ARMC2: variants seen among roughly 807,000 people sequenced by gnomAD.
The protein encoded by ARMC2 is armadillo repeat containing 2.
ARMC2 carries 67 observed loss-of-function variants against 90.3 expected under a neutral mutation model. The ratio of observed to expected loss-of-function variants is 0.74; its 90% CI spans 0.61 to 0.91. The LOEUF is 0.91. ARMC2 is among the 40% of genes least tolerant of loss of function. The probability of loss-of-function intolerance (pLI) is 0.00; values close to 1 mark genes in which losing one functional copy is unlikely to be tolerated. For synonymous variants in ARMC2, 393 were observed against 393.0 expected (o/e 1.00, Z 0.00); for missense variants, 920 against 1,030.9 (o/e 0.89, Z 1.47).
chr6:108,990,728 A>G, the ARMC2 span: 1 of 1,614,106 alleles, frequency 6.2e-7, no homozygotes, highest in Non-Finnish European at 8.5e-7. Flanking sequence ...TTGCCATTGT[A>G]TTATAAGTAA....
chr6:108,987,427 T>C, the ARMC2 span: 2 of 583,030 alleles, frequency 3.4e-6, no homozygotes, highest in Non-Finnish European at 6.1e-6. Flanking sequence ...AAAGGAATCA[T>C]GGCACAATGG....
intron 3 of ARMC2, among the ~76,000 whole-genome samples, chr6:108,867,422 A>G (rs2128427163): frequency 6.6e-6 from 1 of 152,248 alleles, no homozygotes; most frequent in Non-Finnish European, 1.5e-5. Flanking sequence ...TTAAGAAAAG[A>G]TGGGGGAAAA....
chr6:108,998,765 A>G, the ARMC2 span: 3,488 of 863,534 alleles, frequency 4.0e-3, 34 homozygotes, highest in African/African-American at 0.036. Context: ...CCTTAGGGGG[A>G]AAAAAAAAAA....
chr6:109,000,661 G>A, the ARMC2 span: 1 of 1,588,372 alleles, frequency 6.3e-7, no homozygotes, highest in East Asian at 2.3e-5. Flanking sequence ...GAGCACTGAT[G>A]TCTTGCCGCA....
chr6:109,016,445 T>G, the ARMC2 span, among the ~76,000 whole-genome samples: 1 of 152,216 alleles, frequency 6.6e-6, no homozygotes, highest in Non-Finnish European at 1.5e-5. Context: ...ACCTTCTTTT[T>G]CTGCCTTCTT....
the ARMC2 span, among the ~76,000 whole-genome samples, chr6:109,018,527 C>T: frequency 3.3e-5 from 5 of 152,112 alleles, no homozygotes; most frequent in African/African-American, 1.2e-4. Flanking sequence ...TTGCTTGGTA[C>T]GTGCTCCTGA....
intron 17 of ARMC2, among the ~76,000 whole-genome samples, chr6:108,971,210 C>T (rs1358631122): frequency 6.6e-6 from 1 of 152,056 alleles, no homozygotes; most frequent in African/African-American, 2.4e-5. Context: ...GACTCTGTCT[C>T]GAAAAAACGG....
At chr6:109,020,462 G>A in the ARMC2 span, among the ~76,000 whole-genome samples, 1 of 152,142 alleles carries the variant, frequency 6.6e-6, no homozygotes, top group Non-Finnish European at 1.5e-5. Context: ...GAAATATCCA[G>A]TGAAATGCTA....
chr6:108,859,962 C>T (rs566340806), intron 3 of ARMC2, among the ~76,000 whole-genome samples: 7 of 150,306 alleles, frequency 4.7e-5, no homozygotes, highest in African/African-American at 1.7e-4. Flanking sequence ...TGAGATTGCA[C>T]CATTGCACTC....
the ARMC2 span, among the ~76,000 whole-genome samples, chr6:108,985,077 T>C: frequency 6.6e-6 from 1 of 152,196 alleles, no homozygotes; most frequent in African/African-American, 2.4e-5. Context: ...TATTCACATA[T>C]ACAAATATGC....
chr6:109,009,141 A>T, the ARMC2 span, among the ~76,000 whole-genome samples: 4 of 152,138 alleles, frequency 2.6e-5, no homozygotes, highest in Admixed American at 6.5e-5. Context: ...CACGGTGCGC[A>T]GGTCTCCCAC....
At chr6:108,979,892 A>G in the ARMC2 span, among the ~76,000 whole-genome samples, 1 of 152,050 alleles carries the variant, frequency 6.6e-6, no homozygotes, top group African/African-American at 2.4e-5. Context: ...CAATTCATCT[A>G]ACCTTTTTTC....
Position 108,895,482 on chromosome 6 carries a change from C to CAAA in ARMC2, c.748+956_748+958dup, listed in dbSNP as rs58785510. 3.0e-3 allele frequency among the ~76,000 whole-genome samples: 299 copies of CAAA among 100,132 alleles called. 2 individuals carry two copies. The highest frequency in any genetic ancestry group is 0.012 in the African/African-American group (273 of 22,514). The allele number at this position is 100,132 out of a possible 152,430, so 65.7% of individuals were successfully genotyped here. ...CTGGGCGACAGAGCGAGACTCATCT[C>CAAA]AAAAAAAAAAAAAAAAAAAGATAAT... On this transcript the variant is annotated intron_variant, in intron 6 of 17. Transcript: ENST00000392644.
At chr6:108,992,452 G>A in the ARMC2 span, among the ~76,000 whole-genome samples, 3 of 151,870 alleles carry the variant, frequency 2.0e-5, no homozygotes, top group Non-Finnish European at 4.4e-5. Flanking sequence ...AAATCTTATG[G>A]TTCTCAAATA....
intron 12 of ARMC2, among the ~76,000 whole-genome samples, chr6:108,947,441 T>C (rs555144881): frequency 2.6e-5 from 4 of 152,316 alleles, no homozygotes; most frequent in South Asian, 4.1e-4. Context: ...AAAAATGTCT[T>C]TCATTGGCTT....
intron 3 of ARMC2, among the ~76,000 whole-genome samples, chr6:108,861,094 A>G (rs898883405): frequency 1.3e-5 from 2 of 152,198 alleles, no homozygotes; most frequent in Non-Finnish European, 2.9e-5. Flanking sequence ...GCCTGACTGC[A>G]TGGAGCTGGG....
chr6:108,881,171 C>CTTT (rs905229179), intron 5 of ARMC2, among the ~76,000 whole-genome samples: 1 of 148,002 alleles, frequency 6.8e-6, no homozygotes, highest in East Asian at 2.0e-4. Flanking sequence ...TTTTCTTTTT[C>CTTT]TTTTTTTTTT....
the ARMC2 span, chr6:108,987,187 T>A: frequency 1.1e-5 from 2 of 181,482 alleles, no homozygotes; most frequent in Admixed American, 6.2e-5. Context: ...TAAGTCATTA[T>A]CCAAGTCCCA....
chr6:108,967,853 G>A (rs754892111), intron 17 of ARMC2, among the ~76,000 whole-genome samples: 4 of 151,952 alleles, frequency 2.6e-5, no homozygotes, highest in Non-Finnish European at 5.9e-5. Context: ...TGCTTCTCCC[G>A]CCTCTGTGCC....
Sources: allele counts gnomAD v4.1 joint callset (sites outside exome capture counted in the v4.1 genomes callset), GRCh38; gene constraint gnomAD v4.1.1; transcripts MANE v1.5; gene names NCBI Gene and HGNC (gene_info 2026-07-23, HGNC 2026-07-21).